Variants in STAU1 observed in about 807,000 individuals in gnomAD.
The protein encoded by STAU1 is double-stranded RNA-binding protein Staufen homolog 1.
A neutral mutation model predicts 62.9 loss-of-function variants in STAU1; 13 were observed. That is an observed-to-expected ratio of 0.21 (90% CI 0.13 to 0.33). The LOEUF (loss-of-function observed/expected upper bound fraction) is 0.33. Ranked by LOEUF, STAU1 falls within the 10% of genes least tolerant of loss-of-function variation. STAU1 has a pLI of 1.00. For synonymous variants in STAU1, 269 were observed against 265.1 expected, an observed-to-expected ratio of 1.01 and a Z score of -0.14; for missense variants, 571 against 712.1, an observed-to-expected ratio of 0.80 and a Z score of 2.25.
intron 1 of STAU1, among the ~76,000 whole-genome samples, chr20:49,183,805 G>C (rs966031194): frequency 6.6e-6 from 1 of 152,002 alleles, no homozygotes; most frequent in African/African-American, 2.4e-5. Context: ...ACTAACACAC[G>C]CTTATTGATA....
chr20:49,218,565 C>CAAAA, the STAU1 span, among the ~76,000 whole-genome samples: 8 of 109,168 alleles, frequency 7.3e-5, no homozygotes, highest in Admixed American at 1.2e-4. Context: ...AACAAACAAA[C>CAAAA]AAAAAAAACA....
At chr20:49,193,291 C>T (rs1339293666), upstream of STAU1, among the ~76,000 whole-genome samples, 1 of 152,006 alleles carries the variant, frequency 6.6e-6, no homozygotes, top group Non-Finnish European at 1.5e-5. Flanking sequence ...GCACGAGAAT[C>T]GCTTGAACCC....
At chr20:49,200,297 T>A in the STAU1 span, among the ~76,000 whole-genome samples, 1 of 151,992 alleles carries the variant, frequency 6.6e-6, no homozygotes, top group East Asian at 1.9e-4. Context: ...TCCAACTCAG[T>A]AATAATAAAG....
chr20:49,218,447 G>A, the STAU1 span, among the ~76,000 whole-genome samples: 1 of 150,496 alleles, frequency 6.6e-6, no homozygotes, highest in African/African-American at 2.4e-5. Flanking sequence ...GGATGGTCTC[G>A]ATCTCCTGAC....
At chr20:49,131,454 T>C (rs1600661971) in intron 6 of STAU1, among the ~76,000 whole-genome samples, 1 of 152,314 alleles carries the variant, frequency 6.6e-6, no homozygotes, top group East Asian at 1.9e-4. Flanking sequence ...AGATACATGC[T>C]GAAATATTAG....
At chr20:49,119,847 G>A (rs2092422890) in intron 9 of STAU1, 135 bp downstream of exon 9, 1 of 1,083,104 alleles carries the variant, frequency 9.2e-7, no homozygotes, top group Non-Finnish European at 1.3e-6. Context: ...CCAAATGGAT[G>A]AGACACTCCT....
intron 6 of STAU1, among the ~76,000 whole-genome samples, chr20:49,127,700 T>C (rs1179064581): frequency 6.7e-6 from 1 of 148,972 alleles, no homozygotes; most frequent in Non-Finnish European, 1.5e-5. Context: ...AGCAAGACTT[T>C]GTCTAAAAAA....
chr20:49,156,038 T>A (rs6122758), intron 3 of STAU1, among the ~76,000 whole-genome samples: 1 of 152,252 alleles, frequency 6.6e-6, no homozygotes, highest in East Asian at 1.9e-4. Flanking sequence ...CTGAATGGGC[T>A]CCTTGTCTGA....
chr20:49,156,336 T>C (rs1321319721), intron 3 of STAU1, among the ~76,000 whole-genome samples: 1 of 152,228 alleles, frequency 6.6e-6, no homozygotes, highest in East Asian at 1.9e-4. Context: ...TAAGGCATCA[T>C]AGATTGGAAA....
the STAU1 span, among the ~76,000 whole-genome samples, chr20:49,199,039 G>A: frequency 2.0e-5 from 3 of 149,588 alleles, no homozygotes; most frequent in Admixed American, 1.3e-4. Flanking sequence ...CCAGCCACTC[G>A]GGAGGCTGAG....
rs1335648137 is a variant in STAU1, at chr20:49,117,395, AG to A, written c.1510-148del. 1 of 988,572 alleles carries A rather than the reference AG, an allele frequency of 1.0e-6. No homozygotes were observed. Among genetic ancestry groups the A allele is most frequent in the Non-Finnish European group, 1.5e-6 (1 of 670,590 alleles). 61.2% of individuals were successfully genotyped at this position (988,572 alleles called of 1,614,324 possible). A position where few individuals can be genotyped will look rare whatever the true frequency, so the allele number is the denominator to read the frequency against. ...TGGCCATACTAACACCTGCCCTGTCAGCCCAGAACCTTCCAGGAACCTAGGT... is the reference window on the plus strand; with the variant it reads ...TGGCCATACTAACACCTGCCCTGTCACCCAGAACCTTCCAGGAACCTAGGT... On this transcript the variant is annotated intron_variant, in intron 11 of 13. Transcript: ENST00000371856. The surrounding 1 kb of genome is among the most constrained non-coding windows in gnomAD (Gnocchi z 4.6).
the STAU1 span, among the ~76,000 whole-genome samples, chr20:49,200,194 T>C: frequency 6.6e-6 from 1 of 152,216 alleles, no homozygotes; most frequent in Admixed American, 6.6e-5. Context: ...ATGTTTATAG[T>C]AGCTTAATTC....
chr20:49,130,315 G>C (rs1396499054), intron 6 of STAU1, among the ~76,000 whole-genome samples: 1 of 152,198 alleles, frequency 6.6e-6, no homozygotes, highest in African/African-American at 2.4e-5. Flanking sequence ...AGAGGGGAGA[G>C]ACTGACTGCA....
intron 6 of STAU1, among the ~76,000 whole-genome samples, chr20:49,125,442 A>G (rs898889709): frequency 1.4e-5 from 2 of 147,698 alleles, no homozygotes; most frequent in Admixed American, 6.9e-5. Flanking sequence ...AGGCACAAAA[A>G]CCCCTTGAAC....
At chr20:49,168,321 T>A (rs1303469575) in intron 2 of STAU1, among the ~76,000 whole-genome samples, 1 of 152,172 alleles carries the variant, frequency 6.6e-6, no homozygotes, top group Non-Finnish European at 1.5e-5. Context: ...CCTCAGGTGA[T>A]CTGCCCACTT....
intron 3 of STAU1, among the ~76,000 whole-genome samples, chr20:49,157,068 G>C (rs1012717424): frequency 1.3e-5 from 2 of 151,738 alleles, no homozygotes; most frequent in African/African-American, 4.8e-5. Context: ...GTAGAGACAG[G>C]GTTTCACCAT....
chr20:49,170,635 T>C (rs570809533), intron 2 of STAU1, among the ~76,000 whole-genome samples: 2 of 152,332 alleles, frequency 1.3e-5, no homozygotes, highest in African/African-American at 4.8e-5. Context: ...ATTATAGACA[T>C]GAGCCACCGT....
upstream of STAU1, among the ~76,000 whole-genome samples, chr20:49,191,049 A>AC (rs1291104185): frequency 6.7e-6 from 1 of 148,640 alleles, no homozygotes; most frequent in Non-Finnish European, 1.5e-5. Flanking sequence ...TTTTTTTGAG[A>AC]CAGAGTCTCC....
At chr20:49,191,526 G>A (rs1183579496), upstream of STAU1, among the ~76,000 whole-genome samples, 3 of 151,926 alleles carry the variant, frequency 2.0e-5, no homozygotes, top group Non-Finnish European at 2.9e-5. Context: ...ATAAATTTCC[G>A]TAGACTGCTG....
Sources: gnomAD v4.1 joint callset for allele counts (sites outside exome capture counted in the v4.1 genomes callset) on GRCh38, gnomAD v4.1.1 for gene constraint, Gnocchi (gnomAD v3.1) non-coding constraint, MANE v1.5 for transcripts, NCBI Gene and HGNC (gene_info 2026-07-23, HGNC 2026-07-21) for gene names.